PLAAT1: variants seen among roughly 807,000 people sequenced by gnomAD.
PLAAT1 encodes the protein H-REV107 protein-related protein.
Under a neutral mutation model 16.4 loss-of-function variants are expected in PLAAT1, and 13 were observed. That is an observed-to-expected ratio of 0.79 (90% confidence interval 0.52 to 1.26). The LOEUF is 1.26. PLAAT1 is among the 50% of genes most tolerant of loss of function. The pLI is 0.00. For missense variants in PLAAT1, 218 were observed against 207.8 expected (o/e 1.05, Z -0.30); for synonymous variants, 73 against 78.4 (o/e 0.93, Z 0.36).
chr3:193,263,136 A>G lies in PLAAT1; in HGVS notation c.306A>G (p.Ser102=), dbSNP rs1716650720. The change falls in exon 3 of 4, where the codon TCA becomes TCG. Residue 102 remains serine, a synonymous_variant. Transcript: ENST00000264735. The part of the protein sequence containing the change: ...PLPVEEIIKR[S]EFVIGQEVAY... ...CTGTGGAAGAAATCATAAAGCGGTC[A>G]GAGTTTGTAATTGGACAGGAGGTGG... The G allele has an allele frequency of 1.9e-6, 3 of 1,614,098 alleles. No individual in the cohort carries two copies. In the African/African-American group the frequency reaches 4.0e-5, roughly 22 times the overall value.
intron 3 of PLAAT1, among the ~76,000 whole-genome samples, chr3:193,267,530 TG>T (rs1280290872): frequency 1.3e-5 from 2 of 152,206 alleles, no homozygotes; most frequent in East Asian, 3.8e-4. Flanking sequence ...TGTACTTTTG[TG>T]GCTTGATTCC....
intron 1 of PLAAT1, among the ~76,000 whole-genome samples, chr3:193,254,338 T>C (rs1716300099): frequency 6.6e-6 from 1 of 152,182 alleles, no homozygotes; most frequent in African/African-American, 2.4e-5. Context: ...GTCCTTAGTC[T>C]CTGCTATTAT....
downstream of PLAAT1, among the ~76,000 whole-genome samples, chr3:193,280,028 A>AATCTTCCTG (rs1313705574): frequency 2.0e-5 from 3 of 149,390 alleles, no homozygotes; most frequent in Non-Finnish European, 4.4e-5. Context: ...TGTACATAAT[A>AATCTTCCTG]ATCTTCCTGT....
chr3:193,270,903 T>C (rs2367475), downstream of PLAAT1: 359,761 of 1,178,340 alleles, frequency 0.31, 58,109 homozygotes, highest in Non-Finnish European at 0.33. Flanking sequence ...AGATGTACTG[T>C]GGCAGCTTGA....
In PLAAT1 at chr3:193,255,680, C is replaced by G; in HGVS notation, c.30C>G (p.Asn10Lys). The stretch of plus-strand genomic sequence containing the variant: ...CGTTTAATGATTGCTTCAGTTTGAA[C>G]TACCCTGGCAACCCCTGCCCAGGGG... MAFNDCFSL[N>K]YPGNPCPGDL... is the part of the protein sequence containing the mutation. The change falls in exon 2 of 4, where the codon AAC becomes AAG. Residue 10 changes from asparagine (N) to lysine (K), a missense_variant. Physicochemically the swap from Asn to Lys is moderately conservative, Grantham distance 94. Coordinates refer to ENST00000264735, the MANE Select transcript of PLAAT1 (RefSeq NM_020386.5). 3.7e-6 allele frequency: 6 copies of G among 1,611,864 alleles called. No individual in the cohort carries two copies. Among genetic ancestry groups the G allele is most frequent in the Non-Finnish European group, 5.1e-6 (6 of 1,178,658 alleles).
downstream of PLAAT1, chr3:193,281,285 T>C: frequency 1.3e-6 from 1 of 788,334 alleles, no homozygotes; most frequent in Non-Finnish European, 1.5e-6. Flanking sequence ...CAACTGGGGC[T>C]GAGTGGGGTG....
At chr3:193,275,642 C>G (rs1235608671), downstream of PLAAT1, among the ~76,000 whole-genome samples, 1 of 152,166 alleles carries the variant, frequency 6.6e-6, no homozygotes, top group Non-Finnish European at 1.5e-5. Flanking sequence ...CACCATTAGC[C>G]TTGCTACCTG....
chr3:193,249,338 C>T (rs772164851), intron 1 of PLAAT1, among the ~76,000 whole-genome samples: 11 of 151,778 alleles, frequency 7.2e-5, no homozygotes, highest in East Asian at 1.9e-4. Context: ...TTTCTGTTTC[C>T]TTCCCTACAC....
chr3:193,260,056 C>A (rs1716526451), intron 2 of PLAAT1, among the ~76,000 whole-genome samples: 1 of 152,054 alleles, frequency 6.6e-6, no homozygotes, highest in African/African-American at 2.4e-5. Context: ...AAGCCAAGCA[C>A]ATAAAACCAT....
intron 1 of PLAAT1, among the ~76,000 whole-genome samples, chr3:193,242,143 G>A (rs1466670166): frequency 6.8e-6 from 1 of 147,742 alleles, no homozygotes; most frequent in Non-Finnish European, 1.5e-5. Context: ...TTTCTCATCA[G>A]CTATCATTAG....
chr3:193,243,296 A>G (rs1186372661), intron 1 of PLAAT1, among the ~76,000 whole-genome samples: 1 of 152,042 alleles, frequency 6.6e-6, no homozygotes, highest in African/African-American at 2.4e-5. Context: ...GCATTACACA[A>G]TTTGTCTGAA....
At chr3:193,253,311 A>G (rs1053048491) in intron 1 of PLAAT1, among the ~76,000 whole-genome samples, 4 of 152,192 alleles carry the variant, frequency 2.6e-5, no homozygotes, top group African/African-American at 9.6e-5. Context: ...TTATGAATCA[A>G]TTTATATGTC....
chr3:193,248,623 C>A, intron 1 of PLAAT1, among the ~76,000 whole-genome samples: 1 of 152,128 alleles, frequency 6.6e-6, no homozygotes, highest in Non-Finnish European at 1.5e-5. Context: ...TTACATAAAA[C>A]GTCTTATACT....
intron 1 of PLAAT1, among the ~76,000 whole-genome samples, chr3:193,243,696 C>T (rs80343241): frequency 0.028 from 4,250 of 152,258 alleles, 86 homozygotes; most frequent in Middle Eastern, 0.075. Flanking sequence ...CCAGTTGTGT[C>T]GCTTACTACC....
intron 3 of PLAAT1, among the ~76,000 whole-genome samples, chr3:193,266,011 A>C (rs1716765465): frequency 6.6e-6 from 1 of 152,228 alleles, no homozygotes; most frequent in South Asian, 2.1e-4. Context: ...TCAGTTACGC[A>C]AGACAAGTTC....
At position 193,263,253 on chromosome 3, in the gene PLAAT1, G is replaced by T; in HGVS notation, c.405+18G>T. On this transcript the variant is annotated intron_variant, in intron 3 of 3. Transcript: ENST00000264735. Reference sequence around the variant, plus strand: ...CAGAGCAGGTAAGTTTTCTTTAGGAGATATTCTTACATTGAGAAAAGAATA... The same window carrying T: ...CAGAGCAGGTAAGTTTTCTTTAGGATATATTCTTACATTGAGAAAAGAATA... 1 of 1,608,650 alleles carries T rather than the reference G, an allele frequency of 6.2e-7. No individual in the cohort carries two copies. The highest frequency in any genetic ancestry group is 1.1e-5 in the South Asian group (1 of 90,654).
At chr3:193,253,210 CCT>C (rs1424013299) in intron 1 of PLAAT1, among the ~76,000 whole-genome samples, 2 of 152,092 alleles carry the variant, frequency 1.3e-5, no homozygotes, top group Non-Finnish European at 2.9e-5. Flanking sequence ...CCTTCAGCTT[CCT>C]CTGTTAGTAT....
At chr3:193,248,624 G>A (rs892143429) in intron 1 of PLAAT1, among the ~76,000 whole-genome samples, 5 of 152,002 alleles carry the variant, frequency 3.3e-5, no homozygotes, top group Admixed American at 6.6e-5. Flanking sequence ...TACATAAAAC[G>A]TCTTATACTA....
chr3:193,252,625 G>T (rs1716232820), intron 1 of PLAAT1, among the ~76,000 whole-genome samples: 1 of 152,052 alleles, frequency 6.6e-6, no homozygotes, highest in South Asian at 2.1e-4. Context: ...GGAACTCTTT[G>T]TCTACCCTAG....
Sources: allele counts gnomAD v4.1 joint callset (sites outside exome capture counted in the v4.1 genomes callset), GRCh38; gene constraint gnomAD v4.1.1; transcripts MANE v1.5; gene names NCBI Gene and HGNC (gene_info 2026-07-23, HGNC 2026-07-21).